The following LRIG3 variants were observed in gnomAD, a reference collection of about 807,000 sequenced individuals.
LRIG3 encodes the protein leucine rich repeats and immunoglobulin like domains 3.
A neutral mutation model predicts 114.5 loss-of-function variants in LRIG3; 76 were observed. The ratio of observed to expected loss-of-function variants is 0.66; its 90% CI spans 0.55 to 0.80. The LOEUF is 0.80. LRIG3 is among the 30% of genes least tolerant of loss of function. The pLI is 0.00. For synonymous variants in LRIG3, 512 were observed against 519.8 expected (o/e 0.98, Z 0.20); for missense variants, 1,239 against 1,382.8 (o/e 0.90, Z 1.65).
chr12:58,913,852 G>C, intron 3 of LRIG3, 130 bp downstream of exon 3: 1 of 691,680 alleles, frequency 1.4e-6, no homozygotes, highest in Non-Finnish European at 2.4e-6. Context: ...AATTTAAAGC[G>C]CGTATCTTTA....
Position 58,877,787 on chromosome 12 carries a change from G to T in LRIG3, c.2149C>A (p.Gln717Lys). The T allele has an allele frequency of 1.2e-6, 2 of 1,614,158 alleles. No individual in the cohort carries two copies. Among genetic ancestry groups the T allele is most frequent in the Non-Finnish European group, 1.7e-6 (2 of 1,179,998 alleles). ...GGAGGGCTTCCTCCAGCAATGCACT[G>T]TAGGACGGCTGTTTCTCCCTTGGTT... ...TVTKGETAVL[Q>K]CIAGGSPPPK... Residue 717 changes from glutamine (Q) to lysine (K), a missense_variant, in exon 15 of 19, where the codon CAG (glutamine) becomes AAG (lysine). By Grantham distance (53) the Gln-to-Lys change is moderately conservative. Transcript: ENST00000320743.
At chr12:58,917,984 G>GGA (rs1455835387) in intron 1 of LRIG3, among the ~76,000 whole-genome samples, 1 of 152,174 alleles carries the variant, frequency 6.6e-6, no homozygotes, top group Non-Finnish European at 1.5e-5. Context: ...AGTGGAAAGA[G>GGA]GAGACCTCTA....
chr12:58,874,527 G>A lies in LRIG3; in HGVS notation c.2742C>T (p.Ala914=), dbSNP rs1004837377. Residue 914 remains alanine, a synonymous_variant, in exon 17 of 19, where the codon GCC becomes GCT. Transcript: ENST00000320743. ...AAAACGGACAAAGGAACAGATCTGTGGCAGCTTCCACATCAGCTTCACTGC... is the reference window on the plus strand; with the variant it reads ...AAAACGGACAAAGGAACAGATCTGTAGCAGCTTCCACATCAGCTTCACTGC... The part of the protein sequence containing the change: ...DNSSEADVEA[A]TDLFLCPFLG... The A allele has an allele frequency of 4.3e-6, 7 of 1,614,016 alleles. No individual in the cohort carries two copies. The highest frequency in any genetic ancestry group is 1.1e-5 in the South Asian group (1 of 91,078).
In LRIG3 at chr12:58,890,742, G is replaced by A. The variant is rs1408455241; in HGVS notation, c.438C>T (p.Ser146=). 1 of 1,604,894 alleles carries A rather than the reference G, an allele frequency of 6.2e-7. No homozygotes were observed. The change falls in exon 4 of 19, where the codon TCC becomes TCT. Residue 146 remains serine, a synonymous_variant. Coordinates refer to ENST00000320743, the MANE Select transcript of LRIG3 (RefSeq NM_153377.5). The part of the protein sequence containing the change: ...ILPEHLKEFQ[S]LETLDLSSNN... ...TGCTGCTAAGGTCCAAAGTTTCAAG[G>A]GACTGAAACTCTTTCAGATGTTCAG...
In LRIG3 at chr12:58,920,283, C is replaced by T; in HGVS notation, c.-48G>A. 1 of 1,285,672 alleles carries T rather than the reference C, an allele frequency of 7.8e-7. No individual in the cohort carries two copies. The highest frequency in any genetic ancestry group is 2.9e-4 in the Middle Eastern group (1 of 3,496). 79.6% of individuals were successfully genotyped at this position (1,285,672 alleles called of 1,614,324 possible). On this transcript the variant is annotated 5_prime_UTR_variant, in exon 1 of 19. Transcript: ENST00000320743. ...CTACCCGAAGCTCCCAGCCGGCGCG[C>T]GCTCGGGGCCCGGCACAAACTTCCA...
At position 58,878,914 on chromosome 12, in the gene LRIG3, C is replaced by G; in HGVS notation, c.1993G>C (p.Asp665His). ...ACCCCAATGTCCTCTATCTTCACAT[C>G]CACGATAAAGAACACGTCATCCTCG... ...MPEDDVFFIV[D>H]VKIEDIGVYS... Residue 665 changes from aspartate (D) to histidine (H), a missense_variant, in exon 14 of 19, where the codon GAT becomes CAT. Asp to His is a moderately conservative substitution (Grantham distance 81, BLOSUM62 -1). Coordinates refer to ENST00000320743, the MANE Select transcript of LRIG3 (RefSeq NM_153377.5). 6.2e-7 allele frequency: 1 copy of G among 1,614,218 alleles called. No individual in the cohort carries two copies. Among genetic ancestry groups the G allele is most frequent in the Non-Finnish European group, 8.5e-7 (1 of 1,180,036 alleles).
intron 1 of LRIG3, among the ~76,000 whole-genome samples, chr12:58,915,583 G>A (rs1488055896): frequency 6.6e-6 from 1 of 152,040 alleles, no homozygotes; most frequent in Non-Finnish European, 1.5e-5. Context: ...TTTATTTGAA[G>A]TATGTTTGCC....
At chr12:58,899,104 C>T (rs1192336522) in intron 3 of LRIG3, among the ~76,000 whole-genome samples, 1 of 152,158 alleles carries the variant, frequency 6.6e-6, no homozygotes, top group African/African-American at 2.4e-5. Flanking sequence ...ATTGTTAAGC[C>T]CACACCTTCA....
chr12:58,916,000 C>T (rs1397961673), intron 1 of LRIG3, among the ~76,000 whole-genome samples: 1 of 152,124 alleles, frequency 6.6e-6, no homozygotes, highest in Non-Finnish European at 1.5e-5. Flanking sequence ...CCTATTGTTT[C>T]AGGTCTTAAA....
At chr12:58,875,710 A>G (rs973569582) in intron 16 of LRIG3, among the ~76,000 whole-genome samples, 2 of 152,170 alleles carry the variant, frequency 1.3e-5, no homozygotes, top group Non-Finnish European at 2.9e-5. Flanking sequence ...ATTATTCTCA[A>G]AACTATGCAG....
chr12:58,897,311 A>C (rs978518246), intron 3 of LRIG3, among the ~76,000 whole-genome samples: 1 of 152,254 alleles, frequency 6.6e-6, no homozygotes, highest in African/African-American at 2.4e-5. Flanking sequence ...TTCAGCAAAA[A>C]GTCAGGTCAA....
intron 3 of LRIG3, among the ~76,000 whole-genome samples, chr12:58,908,768 A>G (rs1324532701): frequency 6.6e-6 from 1 of 152,222 alleles, no homozygotes; most frequent in Non-Finnish European, 1.5e-5. Context: ...GTGCAGCAGC[A>G]TGTGGTTATT....
intron 8 of LRIG3, 36 bp downstream of exon 8, chr12:58,887,753 T>G (rs1871321638): frequency 1.2e-6 from 2 of 1,601,254 alleles, no homozygotes; most frequent in Non-Finnish European, 1.7e-6. Context: ...AGGAACCAAT[T>G]ACGTTCGAGT....
At chr12:58,898,159 T>C (rs1871710437) in intron 3 of LRIG3, among the ~76,000 whole-genome samples, 1 of 152,242 alleles carries the variant, frequency 6.6e-6, no homozygotes, top group Non-Finnish European at 1.5e-5. Flanking sequence ...TGATACTCTA[T>C]ATTAATCAAC....
At chr12:58,905,042 AAAG>A (rs1446704232) in intron 3 of LRIG3, among the ~76,000 whole-genome samples, 1 of 152,198 alleles carries the variant, frequency 6.6e-6, no homozygotes, top group East Asian at 1.9e-4. Flanking sequence ...TACGTATGCA[AAAG>A]AACACAGGGC....
At position 58,872,637 on chromosome 12, in the gene LRIG3, T is replaced by G; in HGVS notation, c.3295A>C (p.Thr1099Pro). Residue 1099 changes from threonine to proline, a missense_variant, in exon 19 of 19, where the codon ACC (threonine) becomes CCC (proline). By Grantham distance (38) the Thr-to-Pro change is conservative. Coordinates refer to ENST00000320743, the MANE Select transcript of LRIG3 (RefSeq NM_153377.5). Reference sequence around the variant, plus strand: ...TAGTTTTCTAAAGTCTGTTTAAAGGTACAAATGTGATTTTCTTCCTGAAAA... The same window carrying G: ...TAGTTTTCTAAAGTCTGTTTAAAGGGACAAATGTGATTTTCTTCCTGAAAA... ...TDFQEENHIC[T>P]FKQTLENYRT... 1 of 1,614,110 alleles carries G rather than the reference T, an allele frequency of 6.2e-7. No homozygotes were observed. Among genetic ancestry groups the G allele is most frequent in the East Asian group, 2.2e-5 (1 of 44,860 alleles).
chr12:58,886,765 T>G, intron 9 of LRIG3, 45 bp downstream of exon 9: 1 of 1,564,778 alleles, frequency 6.4e-7, no homozygotes, highest in Non-Finnish European at 8.8e-7. Flanking sequence ...AGACAAAATT[T>G]TTAAATCAAA....
In LRIG3 at chr12:58,874,160, G is replaced by T. The variant is rs1245427393; in HGVS notation, c.3010C>A (p.His1004Asn). 6.2e-7 allele frequency: 1 copy of T among 1,614,220 alleles called. No individual in the cohort carries two copies. Among genetic ancestry groups the T allele is most frequent in the East Asian group, 2.2e-5 (1 of 44,890 alleles). ...VRKLLNTSYS[H>N]NEGPGMKNLC... Reference sequence around the variant, plus strand: ...TTTTTCATTCCAGGTCCTTCATTGTGAGAGTAACTAGTGTTAAGTAGCTTC... The same window carrying T: ...TTTTTCATTCCAGGTCCTTCATTGTTAGAGTAACTAGTGTTAAGTAGCTTC... The change falls in exon 18 of 19, where the codon CAC (histidine) becomes AAC (asparagine). Residue 1004 changes from histidine to asparagine, a missense_variant. Transcript: ENST00000320743.
rs1016487942 is a variant in LRIG3, at chr12:58,876,749, A to G, written c.2537-146T>C. ...TCTGGCAAAACCATCTCGATTGTAC[A>G]GTATTCTGGAACGGCAAATTAGGGC... On this transcript the variant is annotated intron_variant, in intron 15 of 18. Transcript: ENST00000320743. 5.1e-6 allele frequency: 4 copies of G among 790,880 alleles called. No homozygotes were observed. The African/African-American group carries it at 7.0e-5, about 14-fold the overall frequency. 49.0% of individuals were successfully genotyped at this position (790,880 alleles called of 1,614,324 possible).
Sources: allele counts gnomAD v4.1 joint callset (sites outside exome capture counted in the v4.1 genomes callset), GRCh38; gene constraint gnomAD v4.1.1; transcripts MANE v1.5; gene names NCBI Gene and HGNC (gene_info 2026-07-23, HGNC 2026-07-21).